KCNH1: variants seen among roughly 807,000 people sequenced by gnomAD.
KCNH1 encodes potassium voltage-gated channel subfamily H member 1.
In KCNH1, 27 loss-of-function variants were observed where a neutral mutation model predicts 69.2. The observed-to-expected ratio is 0.39, with a 90% CI of 0.29 to 0.54. The LOEUF is 0.54. KCNH1 is among the 20% of genes least tolerant of loss of function. The pLI, the probability that KCNH1 is intolerant of heterozygous loss-of-function variation, is 0.68. For missense variants in KCNH1, 798 were observed against 1,261.6 expected, an observed-to-expected ratio of 0.63 and a Z score of 5.57; for synonymous variants, 456 against 487.7, an observed-to-expected ratio of 0.93 and a Z score of 0.86.
At chr1:210,905,888 C>T (rs1050458248) in intron 7 of KCNH1, among the ~76,000 whole-genome samples, 5 of 152,118 alleles carry the variant, frequency 3.3e-5, no homozygotes, top group Non-Finnish European at 7.4e-5. Context: ...ACTGTTTGCT[C>T]AAAGCAGTAT....
At chr1:210,761,169 G>A (rs551114432) in intron 10 of KCNH1, among the ~76,000 whole-genome samples, 1,569 of 141,726 alleles carry the variant, frequency 0.011, 31 homozygotes, top group African/African-American at 0.039. Context: ...GGAGAATGGC[G>A]TGAACCCGGG....
At chr1:210,860,801 T>G (rs4951674) in intron 7 of KCNH1, 731,452 of 872,676 alleles carry the variant, frequency 0.84, 308,774 homozygotes, top group African/African-American at 0.88. Flanking sequence ...GCTGTTTGAA[T>G]GTTCTGATCA....
Position 210,940,509 on chromosome 1 carries a change from T to A in KCNH1, c.1033-20440A>T, listed in dbSNP as rs139839618. Among the ~76,000 whole-genome samples the A allele has an allele frequency of 5.8e-3, 877 of 152,328 alleles. 9 individuals are homozygous for A. Among genetic ancestry groups the A allele is most frequent in the African/African-American group, 0.019 (802 of 41,576 alleles). On this transcript the variant is annotated intron_variant, in intron 6 of 10. Coordinates refer to ENST00000271751, the MANE Select transcript of KCNH1 (RefSeq NM_172362.3). ...ACTAAAAATGGGATAGCTTGCAACC[T>A]TCCATTTGTTTAATCCAATAATGTA...
At chr1:211,107,030 C>T (rs571777556) in intron 2 of KCNH1, among the ~76,000 whole-genome samples, 1 of 152,272 alleles carries the variant, frequency 6.6e-6, no homozygotes, top group East Asian at 1.9e-4. Flanking sequence ...TCTGGGTTTT[C>T]TCCCATCTTA....
At chr1:210,912,708 C>T (rs1340939998) in intron 7 of KCNH1, among the ~76,000 whole-genome samples, 2 of 152,170 alleles carry the variant, frequency 1.3e-5, no homozygotes, top group Non-Finnish European at 2.9e-5. Flanking sequence ...CCAAATGGTA[C>T]CTCCATTTTC....
chr1:210,957,332 A>C (rs1391812642), intron 6 of KCNH1, among the ~76,000 whole-genome samples: 1 of 152,136 alleles, frequency 6.6e-6, no homozygotes, highest in Non-Finnish European at 1.5e-5. Context: ...CTTTATGTCC[A>C]ATTATGTTGT....
chr1:210,992,879 C>G (rs575912420), intron 6 of KCNH1, among the ~76,000 whole-genome samples: 1 of 152,324 alleles, frequency 6.6e-6, no homozygotes, highest in East Asian at 1.9e-4. Context: ...GATCTGCCAA[C>G]TTGTTTACAA....
intron 10 of KCNH1, among the ~76,000 whole-genome samples, chr1:210,698,851 G>A (rs1370887203): frequency 6.6e-6 from 1 of 152,242 alleles, no homozygotes; most frequent in East Asian, 1.9e-4. Flanking sequence ...GAGGGCTGCA[G>A]CGCCTGCCTG....
chr1:211,123,495 CAG>C (rs1691723958), intron 1 of KCNH1, among the ~76,000 whole-genome samples: 3 of 152,080 alleles, frequency 2.0e-5, no homozygotes, highest in African/African-American at 7.2e-5. Flanking sequence ...TAGGTGGAGG[CAG>C]AGACAGCAGA....
At chr1:210,880,567 C>T (rs1686472771) in intron 7 of KCNH1, among the ~76,000 whole-genome samples, 1 of 152,118 alleles carries the variant, frequency 6.6e-6, no homozygotes, top group Non-Finnish European at 1.5e-5. Context: ...AGACCATACA[C>T]CTCTGACAAA....
At chr1:211,011,476 C>T (rs569660898) in intron 6 of KCNH1, among the ~76,000 whole-genome samples, 114 of 152,200 alleles carry the variant, frequency 7.5e-4, no homozygotes, top group South Asian at 1.9e-3. Flanking sequence ...GATGTATAAT[C>T]CTTTGGGTAT....
At chr1:211,044,830 G>T (rs576408965) in intron 5 of KCNH1, among the ~76,000 whole-genome samples, 1 of 151,948 alleles carries the variant, frequency 6.6e-6, no homozygotes, top group East Asian at 1.9e-4. Flanking sequence ...CAACCACCAT[G>T]GAAAACAGTG....
chr1:210,684,546 T>C (rs1274528966), intron 10 of KCNH1, among the ~76,000 whole-genome samples: 1 of 152,172 alleles, frequency 6.6e-6, no homozygotes, highest in African/African-American at 2.4e-5. Flanking sequence ...ATATCACTTT[T>C]CTGGCCCCAC....
chr1:210,855,807 C>T (rs1270358763), intron 7 of KCNH1, among the ~76,000 whole-genome samples: 1 of 152,154 alleles, frequency 6.6e-6, no homozygotes, highest in Non-Finnish European at 1.5e-5. Context: ...CCACTTTTCC[C>T]CTTAGTACTT....
chr1:211,055,204 C>T (rs1016349163), intron 5 of KCNH1, among the ~76,000 whole-genome samples: 3 of 152,242 alleles, frequency 2.0e-5, no homozygotes, highest in African/African-American at 7.2e-5. Flanking sequence ...CACCCCTCCC[C>T]TATCCCCAGC....
chr1:210,835,052 G>A (rs567054822), intron 7 of KCNH1, among the ~76,000 whole-genome samples: 2 of 152,250 alleles, frequency 1.3e-5, no homozygotes, highest in East Asian at 3.9e-4. Flanking sequence ...GGAGAGAACT[G>A]GACTGATGAT....
At chr1:211,044,743 C>A (rs1030697327) in intron 5 of KCNH1, among the ~76,000 whole-genome samples, 1 of 151,636 alleles carries the variant, frequency 6.6e-6, no homozygotes, top group Non-Finnish European at 1.5e-5. Context: ...TGGCCATAAT[C>A]AAAAAATAGT....
chr1:210,704,178 C>T (rs192034808), intron 10 of KCNH1, among the ~76,000 whole-genome samples: 58 of 152,232 alleles, frequency 3.8e-4, no homozygotes, highest in African/African-American at 1.3e-3. Context: ...GCAGCTCTTC[C>T]TGCCCCTACT....
chr1:211,086,899 C>T (rs1690961903), intron 4 of KCNH1, among the ~76,000 whole-genome samples: 2 of 152,292 alleles, frequency 1.3e-5, no homozygotes, highest in South Asian at 4.1e-4. Flanking sequence ...CAAGGTACAG[C>T]ATGGAGAGTC....
Sources: gnomAD v4.1 joint callset for allele counts (sites outside exome capture counted in the v4.1 genomes callset) on GRCh38, gnomAD v4.1.1 for gene constraint, MANE v1.5 for transcripts, NCBI Gene and HGNC (gene_info 2026-07-23, HGNC 2026-07-21) for gene names.